NBEAL2: variants seen among roughly 807,000 people sequenced by gnomAD.
NBEAL2 encodes neurobeachin-like protein 2.
Under a neutral mutation model 299.8 loss-of-function variants are expected in NBEAL2, and 160 were observed. That is an observed-to-expected ratio of 0.53 (90% CI 0.47 to 0.61). The LOEUF (loss-of-function observed/expected upper bound fraction) is 0.61, where lower values mean the gene tolerates loss of function less well. NBEAL2 is among the 20% of genes least tolerant of loss of function. The pLI, the probability that NBEAL2 is intolerant of heterozygous loss-of-function variation, is 0.00. For missense variants in NBEAL2, 3,112 were observed against 3,649.0 expected, an observed-to-expected ratio of 0.85 and a Z score of 3.79; for synonymous variants, 1,493 against 1,542.3, an observed-to-expected ratio of 0.97 and a Z score of 0.75.
Position 46,988,814 on chromosome 3 carries a change from A to G in NBEAL2, c.141-28A>G. ...AGAGCAGGGAGATTGAGGGGTCCTC[A>G]GCACCCGTGTCTCCCCTTTCCTTGC... On this transcript the variant is annotated intron_variant, in intron 2 of 53. Coordinates refer to ENST00000450053, the MANE Select transcript of NBEAL2 (RefSeq NM_015175.3). This position sits in a 1 kb window ranked among gnomAD's most constrained non-coding sequence, Gnocchi z 4.4. The G allele has an allele frequency of 6.2e-7, 1 of 1,603,556 alleles. No homozygotes were observed. Among genetic ancestry groups the G allele is most frequent in the Non-Finnish European group, 8.5e-7 (1 of 1,171,746 alleles).
chr3:46,986,593 C>A (rs556876766), intron 1 of NBEAL2, among the ~76,000 whole-genome samples: 2 of 152,172 alleles, frequency 1.3e-5, no homozygotes, highest in South Asian at 4.2e-4. Flanking sequence ...GGAAGACTCA[C>A]ATTTTGAGTG....
chr3:46,987,436 C>A (rs77617373), intron 1 of NBEAL2, among the ~76,000 whole-genome samples: 1 of 152,204 alleles, frequency 6.6e-6, no homozygotes, highest in Non-Finnish European at 1.5e-5. Flanking sequence ...ATGGGGCCAG[C>A]CTGGAGGAGC....
Position 47,004,878 on chromosome 3 carries a change from C to A in NBEAL2, c.6295-94C>A. 1 of 1,524,436 alleles carries A rather than the reference C, an allele frequency of 6.6e-7. No homozygotes were observed. 94.4% of individuals were successfully genotyped at this position (1,524,436 alleles called of 1,614,324 possible). ...GGTGCTCCCCCAACCTGTGGGCAGG[C>A]TCTGTGCCCGCCTTCTTGAGGGTGT... is the stretch of plus-strand genomic sequence containing the variant. On this transcript the variant is annotated intron_variant, in intron 38 of 53. Coordinates refer to ENST00000450053, the MANE Select transcript of NBEAL2 (RefSeq NM_015175.3). The surrounding 1 kb of genome is among the most constrained non-coding windows in gnomAD (Gnocchi z 5.0).
chr3:47,006,972 G>T, intron 45 of NBEAL2, 94 bp from the exon 46 acceptor site: 2 of 1,048,524 alleles, frequency 1.9e-6, no homozygotes, highest in Non-Finnish European at 2.7e-6. Flanking sequence ...TGACCCCTGG[G>T]GACTGACAGT....
Position 46,998,871 on chromosome 3 carries a change from G to C in NBEAL2, c.3376G>C (p.Asp1126His), listed in dbSNP as rs1431975344. ...GAGCTTTTTGGCGGCCACAGGCGAT[G>C]ACGGTCAGGTAGGCTGGAGGTTGGG... ...MLSFLAATGD[D>H]GQAVGALDLL... Residue 1126 changes from aspartate (D) to histidine (H), a missense_variant, in exon 23 of 54, where the codon GAC becomes CAC. Coordinates refer to ENST00000450053, the MANE Select transcript of NBEAL2 (RefSeq NM_015175.3). The C allele has an allele frequency of 3.8e-6, 6 of 1,592,060 alleles. No individual in the cohort carries two copies. Among genetic ancestry groups the C allele is most frequent in the Non-Finnish European group, 5.1e-6 (6 of 1,169,612 alleles).
At position 47,004,662 on chromosome 3, in the gene NBEAL2, G is replaced by A. The variant is rs1246229267; in HGVS notation, c.6294+72G>A. 6.8e-6 allele frequency: 10 copies of A among 1,474,438 alleles called. No homozygotes were observed. Among genetic ancestry groups the A allele is most frequent in the African/African-American group, 1.4e-5 (1 of 71,958 alleles). The allele number at this position is 1,474,438 out of a possible 1,614,324, so 91.3% of individuals were successfully genotyped here. A position where few individuals can be genotyped will look rare whatever the true frequency, so the allele number is the denominator to read the frequency against. Reference sequence around the variant, plus strand: ...TCAGCCCTTGGTTCCCCCAAGTGTAGGTACCTGCCAGTGGGCCAAGCTCTG... The same window carrying A: ...TCAGCCCTTGGTTCCCCCAAGTGTAAGTACCTGCCAGTGGGCCAAGCTCTG... On this transcript the variant is annotated intron_variant, in intron 38 of 53. Coordinates refer to ENST00000450053, the MANE Select transcript of NBEAL2 (RefSeq NM_015175.3). The surrounding 1 kb of genome is among the most constrained non-coding windows in gnomAD (Gnocchi z 5.0).
chr3:47,006,981 G>A, intron 45 of NBEAL2, 85 bp from the exon 46 acceptor site: 1 of 1,165,078 alleles, frequency 8.6e-7, no homozygotes. Context: ...GGGACTGACA[G>A]TAAAGGAAGG....
In NBEAL2 at chr3:47,008,399, G is replaced by A. The variant is rs72909849; in HGVS notation, c.7836G>A (p.Gln2612=). 2,391 of 1,613,994 alleles carry A rather than the reference G, an allele frequency of 1.5e-3. 20 individuals carry two copies. The African/African-American group carries it at 0.023, about 16-fold the overall frequency. ...IFHLALGSEG[Q]IVVQSSAWER... Reference sequence around the variant, plus strand: ...ACCTGGCATTGGGGTCCGAAGGCCAGATTGTGGTACAGAGCTCAGCGTGGG... The same window carrying A: ...ACCTGGCATTGGGGTCCGAAGGCCAAATTGTGGTACAGAGCTCAGCGTGGG... Residue 2612 remains glutamine, a synonymous_variant, in exon 51 of 54, where the codon CAG becomes CAA. Transcript: ENST00000450053.
At position 46,995,773 on chromosome 3, in the gene NBEAL2, T is replaced by C; in HGVS notation, c.1958T>C (p.Val653Ala). Residue 653 changes from valine (V) to alanine (A), a missense_variant, in exon 14 of 54, where the codon GTG becomes GCG. Transcript: ENST00000450053. Reference protein sequence around the residue: ...EAFFTAAGTLVVAVCTRKEYL... With the variant: ...EAFFTAAGTLAVAVCTRKEYL... ...TTCTTCACGGCGGCCGGGACCCTGG[T>C]GGTGGCTGTGTGCACACGGAAGGAG... The C allele has an allele frequency of 6.2e-7, 1 of 1,613,716 alleles. No homozygotes were observed. The highest frequency in any genetic ancestry group is 2.2e-5 in the East Asian group (1 of 44,876).
In NBEAL2 at chr3:47,009,561, G is replaced by C; in HGVS notation, c.*241G>C. 1 of 551,334 alleles carries C rather than the reference G, an allele frequency of 1.8e-6. No homozygotes were observed. Among genetic ancestry groups the C allele is most frequent in the South Asian group, 2.2e-5 (1 of 44,770 alleles). The allele number at this position is 551,334 out of a possible 1,614,324, so 34.2% of individuals were successfully genotyped here. ...AGCACTGGCGTCTGCGGCCGCAGCAGCACTTTTTGCACAGTCTGGGGCGGG... is the reference window on the plus strand; with the variant it reads ...AGCACTGGCGTCTGCGGCCGCAGCACCACTTTTTGCACAGTCTGGGGCGGG... On this transcript the variant is annotated 3_prime_UTR_variant, in exon 54 of 54. Coordinates refer to ENST00000450053, the MANE Select transcript of NBEAL2 (RefSeq NM_015175.3).
chr3:47,003,036 C>T lies in NBEAL2; in HGVS notation c.5539C>T (p.His1847Tyr). 6.2e-7 allele frequency: 1 copy of T among 1,613,120 alleles called. No individual in the cohort carries two copies. Among genetic ancestry groups the T allele is most frequent in the East Asian group, 2.2e-5 (1 of 44,874 alleles). The change falls in exon 34 of 54, where the codon CAC (histidine) becomes TAC (tyrosine). Residue 1847 changes from histidine to tyrosine, a missense_variant. His to Tyr is a moderately conservative substitution (Grantham distance 83). This residue lies in a region of NBEAL2 where 2,243 missense variants were observed against 2,538.1 expected (regional missense o/e 0.88). Coordinates refer to ENST00000450053, the MANE Select transcript of NBEAL2 (RefSeq NM_015175.3). The surrounding 1 kb of genome is among the most constrained non-coding windows in gnomAD (Gnocchi z 7.0). The part of the protein sequence containing the change: ...RMRLKLVPNH[H>Y]FDPHLEASAL... Reference sequence around the variant, plus strand: ...GCGTCTGAAGCTGGTGCCCAACCATCACTTCGACCCTCACCTGGAAGCCAG... The same window carrying T: ...GCGTCTGAAGCTGGTGCCCAACCATTACTTCGACCCTCACCTGGAAGCCAG...
intron 1 of NBEAL2, chr3:46,987,874 G>T (rs1022993357): frequency 4.5e-6 from 2 of 444,226 alleles, no homozygotes; most frequent in Non-Finnish European, 6.0e-6. Context: ...TGGGGCCCAG[G>T]GTGCCCCGGC....
chr3:47,000,184 G>T lies in NBEAL2; in HGVS notation c.4085G>T (p.Arg1362Leu). 4 of 1,613,808 alleles carry T rather than the reference G, an allele frequency of 2.5e-6. No homozygotes were observed. Among genetic ancestry groups the T allele is most frequent in the Non-Finnish European group, 3.4e-6 (4 of 1,179,878 alleles). ...ACGCCCTTTGACCTGGGCCTGGAAC[G>T]GTCTAGTGTAGGATCAGGCAACACT... Reference protein sequence around the residue: ...FCTPFDLGLERSSVGSGNTAG... With the variant: ...FCTPFDLGLELSSVGSGNTAG... The change falls in exon 27 of 54, where the codon CGG (arginine) becomes CTG (leucine). Residue 1362 changes from arginine (R) to leucine (L), a missense_variant. Around this residue, in one of 3 missense-constraint regions of NBEAL2, gnomAD observed 2,243 missense variants for 2,538.1 expected, o/e 0.88. Coordinates refer to ENST00000450053, the MANE Select transcript of NBEAL2 (RefSeq NM_015175.3). The surrounding 1 kb of genome is among the most constrained non-coding windows in gnomAD (Gnocchi z 4.5).
intron 10 of NBEAL2, 50 bp from the exon 11 acceptor site, chr3:46,993,887 C>T (rs1160804833): frequency 6.6e-7 from 1 of 1,515,988 alleles, no homozygotes; most frequent in Non-Finnish European, 9.0e-7. Flanking sequence ...GGGCTGCCAG[C>T]TGTGACACCC....
rs753011396 is a variant in NBEAL2, at chr3:47,009,206, T to C, written c.8164-13T>C. On this transcript the variant is annotated splice_polypyrimidine_tract_variant and intron_variant, in intron 53 of 53. Coordinates refer to ENST00000450053, the MANE Select transcript of NBEAL2 (RefSeq NM_015175.3). ...GATCCCAGCTGATCCTACTCAACCC[T>C]TACGCCCACCAGGTGCGCAGCAGCC... is the stretch of plus-strand genomic sequence containing the variant. The C allele has an allele frequency of 1.9e-6, 3 of 1,585,266 alleles. No individual in the cohort carries two copies. The South Asian group carries it at 3.5e-5, about 18-fold the overall frequency.
Position 46,982,521 on chromosome 3 carries a change from A to G in NBEAL2, c.51+2609A>G, listed in dbSNP as rs1001942187. Among the ~76,000 whole-genome samples the G allele has an allele frequency of 2.0e-5, 3 of 152,150 alleles. No individual in the cohort carries two copies. The highest frequency in any genetic ancestry group is 1.3e-4 in the Admixed American group (2 of 15,284). On this transcript the variant is annotated intron_variant, in intron 1 of 53. Transcript: ENST00000450053. The surrounding 1 kb of genome is among the most constrained non-coding windows in gnomAD (Gnocchi z 4.2). ...TGGGTGGCTGCTGAGGGAAGAGGGA[A>G]GGGTCAGAGCATCCCAGGACTTCAC...
rs769202844 is a variant in NBEAL2, at chr3:47,009,587, G to C, written c.*267G>C. 1.6e-3 allele frequency: 764 copies of C among 483,642 alleles called. 1 individual carries two copies. Among genetic ancestry groups the C allele is most frequent in the Non-Finnish European group, 2.2e-3 (606 of 273,594 alleles). 30.0% of individuals were successfully genotyped at this position (483,642 alleles called of 1,614,324 possible). ...CACTTTTTGCACAGTCTGGGGCGGG[G>C]TTCCCCGGCTTCCAAGTCGCTGTTT... On this transcript the variant is annotated 3_prime_UTR_variant, in exon 54 of 54. Coordinates refer to ENST00000450053, the MANE Select transcript of NBEAL2 (RefSeq NM_015175.3).
At position 46,997,467 on chromosome 3, in the gene NBEAL2, G is replaced by A. The variant is rs537447461; in HGVS notation, c.2824+34G>A. On this transcript the variant is annotated intron_variant, in intron 19 of 53. Coordinates refer to ENST00000450053, the MANE Select transcript of NBEAL2 (RefSeq NM_015175.3). ...TCCTGGTGCCTATGTTGTGGAGAGG[G>A]AATCTTGGCATGGTAGGGGGGTGGA... 20 of 1,598,660 alleles carry A rather than the reference G, an allele frequency of 1.3e-5. No individual in the cohort carries two copies. The East Asian group carries it at 3.4e-4, about 27-fold the overall frequency.
intron 1 of NBEAL2, among the ~76,000 whole-genome samples, chr3:46,981,335 G>A (rs549330199): frequency 6.3e-4 from 96 of 152,248 alleles, no homozygotes; most frequent in African/African-American, 1.9e-3. Context: ...CCAGCTACTC[G>A]GGAGGCTGAG....
Sources: gnomAD v4.1 joint callset for allele counts (sites outside exome capture counted in the v4.1 genomes callset) on GRCh38, gnomAD v4.1.1 for gene constraint, gnomAD v4.1.1 regional missense constraint, Gnocchi (gnomAD v3.1) non-coding constraint, MANE v1.5 for transcripts, NCBI Gene and HGNC (gene_info 2026-07-23, HGNC 2026-07-21) for gene names.